The following ELAVL2 variants were observed in gnomAD, a reference collection of about 807,000 sequenced individuals.
The protein encoded by ELAVL2 is ELAV-like protein 2.
A neutral mutation model predicts 34.6 loss-of-function variants in ELAVL2; 4 were observed. The ratio of observed to expected loss-of-function variants is 0.12; its 90% confidence interval spans 0.06 to 0.26. ELAVL2 has a LOEUF of 0.26. Among genes scored for constraint, ELAVL2 ranks in the 10% least tolerant of loss-of-function variants. The pLI is 1.00. For missense variants in ELAVL2, 432 were observed against 442.8 expected (o/e 0.98, Z 0.22); for synonymous variants, 193 against 154.8 (o/e 1.25, Z -1.83).
intron 2 of ELAVL2, among the ~76,000 whole-genome samples, chr9:23,747,336 T>A (rs2050751745): frequency 6.6e-6 from 1 of 152,138 alleles, no homozygotes; most frequent in South Asian, 2.1e-4. Context: ...TGTTTATTTC[T>A]GGGATTTTCC....
At chr9:23,713,674 C>CT (rs1213935424) in intron 3 of ELAVL2, among the ~76,000 whole-genome samples, 1 of 152,108 alleles carries the variant, frequency 6.6e-6, no homozygotes, top group East Asian at 1.9e-4. Flanking sequence ...TTTATAAATA[C>CT]TAAGTAATGT....
rs559198490 is a variant in ELAVL2 at position 23,737,870 on chromosome 9, G to T, written c.230-6745C>A. Among the ~76,000 whole-genome samples, 3 of 152,280 alleles carry T rather than the reference G, an allele frequency of 2.0e-5. No individual in the cohort carries two copies. In the East Asian group the frequency reaches 5.8e-4, roughly 29 times the overall value. On this transcript the variant is annotated intron_variant, in intron 2 of 6. Coordinates refer to ENST00000397312, the MANE Select transcript of ELAVL2 (RefSeq NM_004432.5). ...ATACTTTTAAAAAGCAAAATGGAAA[G>T]ATTCGCTTCCTCCAAACACAGCTCT...
At chr9:23,770,819 GT>G (rs1230795097) in intron 1 of ELAVL2, among the ~76,000 whole-genome samples, 2 of 152,152 alleles carry the variant, frequency 1.3e-5, no homozygotes, top group Non-Finnish European at 2.9e-5. Flanking sequence ...AAAGTAATTT[GT>G]TAGAGGTCTA....
the ELAVL2 span, among the ~76,000 whole-genome samples, chr9:23,840,286 A>C: frequency 1.3e-5 from 2 of 152,240 alleles, no homozygotes; most frequent in Non-Finnish European, 2.9e-5. Context: ...TGATTCTCAC[A>C]CATGGCTGTG....
At chr9:23,797,492 A>C (rs2061075481) in intron 1 of ELAVL2, among the ~76,000 whole-genome samples, 1 of 152,368 alleles carries the variant, frequency 6.6e-6, no homozygotes, top group African/African-American at 2.4e-5. Context: ...GGGAATTTAA[A>C]ACAGAAAGGG....
intron 3 of ELAVL2, among the ~76,000 whole-genome samples, chr9:23,711,226 T>G (rs1316435157): frequency 6.6e-6 from 1 of 152,188 alleles, no homozygotes; most frequent in Non-Finnish European, 1.5e-5. Flanking sequence ...CAGTTATCTT[T>G]AACGGATATT....
Position 23,692,523 on chromosome 9 carries a change from T to C in ELAVL2, c.*34A>G. 1 of 1,575,934 alleles carries C rather than the reference T, an allele frequency of 6.3e-7. No individual in the cohort carries two copies. The highest frequency in any genetic ancestry group is 8.6e-7 in the Non-Finnish European group (1 of 1,160,488). On this transcript the variant is annotated 3_prime_UTR_variant, in exon 7 of 7. Coordinates refer to ENST00000397312, the MANE Select transcript of ELAVL2 (RefSeq NM_004432.5). The stretch of plus-strand genomic sequence containing the variant: ...TCTTAACTTGCCTTTGTTGTATAGT[T>C]TTCATATATAAATGGACTGAGGACA...
At chr9:23,719,823 CTTTTTTTT>C (rs201455930) in intron 3 of ELAVL2, among the ~76,000 whole-genome samples, 1 of 130,518 alleles carries the variant, frequency 7.7e-6, no homozygotes, top group African/African-American at 2.8e-5. Flanking sequence ...TTAAAAGCCA[CTTTTTTTT>C]TTTTTTTTTT....
chr9:23,770,680 T>C (rs1234348988), intron 1 of ELAVL2, among the ~76,000 whole-genome samples: 3 of 152,230 alleles, frequency 2.0e-5, no homozygotes, highest in African/African-American at 7.2e-5. Flanking sequence ...CAATCTCTCA[T>C]AAAGACTCTG....
At chr9:23,843,453 T>G in the ELAVL2 span, among the ~76,000 whole-genome samples, 2 of 152,098 alleles carry the variant, frequency 1.3e-5, no homozygotes, top group East Asian at 3.9e-4. Flanking sequence ...TTTAGGAGTT[T>G]AAGAAACAAA....
chr9:23,712,220 G>A (rs147005553), intron 3 of ELAVL2, among the ~76,000 whole-genome samples: 48 of 152,252 alleles, frequency 3.2e-4, no homozygotes, highest in African/African-American at 1.1e-3. Flanking sequence ...AAGAAAAAGA[G>A]TTGGGTGTAG....
intron 1 of ELAVL2, among the ~76,000 whole-genome samples, chr9:23,772,017 TACA>T (rs1053584520): frequency 6.6e-6 from 1 of 152,120 alleles, no homozygotes; most frequent in Non-Finnish European, 1.5e-5. Context: ...GGGATATGAG[TACA>T]ACAAGAATAA....
intron 5 of ELAVL2, among the ~76,000 whole-genome samples, chr9:23,696,884 G>C (rs994812656): frequency 6.7e-6 from 1 of 150,068 alleles, no homozygotes; most frequent in Non-Finnish European, 1.5e-5. Flanking sequence ...ACATATGGAA[G>C]GTAAATATTA....
chr9:23,750,780 A>G (rs1229428307), intron 2 of ELAVL2, among the ~76,000 whole-genome samples: 4 of 152,174 alleles, frequency 2.6e-5, no homozygotes, highest in South Asian at 4.1e-4. Flanking sequence ...GAATGAAAAA[A>G]GCTCCCATGG....
chr9:23,841,404 G>C, the ELAVL2 span, among the ~76,000 whole-genome samples: 321 of 152,028 alleles, frequency 2.1e-3, no homozygotes, highest in African/African-American at 7.0e-3. Flanking sequence ...TTCCAATGCT[G>C]CTACACCACC....
intron 5 of ELAVL2, among the ~76,000 whole-genome samples, chr9:23,700,820 A>G (rs1458475720): frequency 3.9e-5 from 6 of 152,166 alleles, no homozygotes; most frequent in Admixed American, 3.9e-4. Flanking sequence ...CACATACTAT[A>G]AAGTGAAGTA....
chr9:23,791,266 T>C (rs534282527), intron 1 of ELAVL2, among the ~76,000 whole-genome samples: 1 of 152,322 alleles, frequency 6.6e-6, no homozygotes, highest in South Asian at 2.1e-4. Context: ...CAAGGAGTCT[T>C]GACCAATCGT....
chr9:23,745,657 A>T (rs887229881), intron 2 of ELAVL2, among the ~76,000 whole-genome samples: 1 of 152,204 alleles, frequency 6.6e-6, no homozygotes, highest in African/African-American at 2.4e-5. Context: ...CCCATAGGAC[A>T]CAGAAATATA....
intron 3 of ELAVL2, among the ~76,000 whole-genome samples, chr9:23,718,395 C>T (rs1278559795): frequency 6.6e-6 from 1 of 152,112 alleles, no homozygotes; most frequent in Admixed American, 6.5e-5. Context: ...TACAGGTATA[C>T]ATACACAAAG....
Sources: gnomAD v4.1 joint callset for allele counts (sites outside exome capture counted in the v4.1 genomes callset) on GRCh38, gnomAD v4.1.1 for gene constraint, MANE v1.5 for transcripts, NCBI Gene and HGNC (gene_info 2026-07-23, HGNC 2026-07-21) for gene names.